Variants in MAP2K5 observed in about 807,000 individuals in gnomAD.
MAP2K5 encodes the protein dual specificity mitogen-activated protein kinase kinase 5.
Under a neutral mutation model 83.1 loss-of-function variants are expected in MAP2K5, and 49 were observed. The observed-to-expected ratio is 0.59, with a 90% CI of 0.47 to 0.75. MAP2K5 has a LOEUF of 0.75. Among genes scored for constraint, MAP2K5 ranks in the 30% least tolerant of loss-of-function variants. The pLI, the probability that MAP2K5 is intolerant of heterozygous loss-of-function variation, is 0.00. For synonymous variants in MAP2K5, 202 were observed against 191.8 expected (o/e 1.05, Z -0.44); for missense variants, 457 against 557.5 (o/e 0.82, Z 1.82).
intron 9 of MAP2K5, 132 bp downstream of exon 9, chr15:67,631,059 TG>T (rs1484801374): frequency 1.5e-5 from 10 of 661,766 alleles, no homozygotes; most frequent in Non-Finnish European, 2.6e-5. Flanking sequence ...GGGGAAGCTG[TG>T]GCTCTCTGGT....
chr15:67,544,799 T>C (rs2084360546), intron 1 of MAP2K5, among the ~76,000 whole-genome samples: 1 of 152,262 alleles, frequency 6.6e-6, no homozygotes, highest in Non-Finnish European at 1.5e-5. Context: ...TTGATTTCTA[T>C]AACTTCATTT....
chr15:67,735,150 C>G (rs1039515856), intron 17 of MAP2K5, among the ~76,000 whole-genome samples: 1 of 152,190 alleles, frequency 6.6e-6, no homozygotes, highest in African/African-American at 2.4e-5. Flanking sequence ...TTCTCCATAT[C>G]TATTGTGTAC....
At chr15:67,624,150 T>C (rs944238420) in intron 8 of MAP2K5, among the ~76,000 whole-genome samples, 4 of 151,218 alleles carry the variant, frequency 2.6e-5, no homozygotes, top group East Asian at 2.0e-4. Context: ...CCATCCTGGC[T>C]AACACAGTGA....
rs1455768202 is a variant in MAP2K5 at position 67,758,174 on chromosome 15, A to G, written c.1134+9573A>G. 6.6e-6 allele frequency among the ~76,000 whole-genome samples: 1 copy of G among 152,180 alleles called. No individual in the cohort carries two copies. The highest frequency in any genetic ancestry group is 1.5e-5 in the Non-Finnish European group (1 of 68,032). On this transcript the variant is annotated intron_variant, in intron 19 of 21. Transcript: ENST00000178640. The surrounding 1 kb of genome is among the most constrained non-coding windows in gnomAD (Gnocchi z 4.7). ...CAGTGCTGTGGAAGATGGATTAGAA[A>G]GGACATTGAAGCTGTAGTTCTGATC...
At chr15:67,788,297 T>G (rs1410282485) in intron 21 of MAP2K5, among the ~76,000 whole-genome samples, 2 of 152,250 alleles carry the variant, frequency 1.3e-5, no homozygotes, top group Non-Finnish European at 2.9e-5. Flanking sequence ...TGATTTGGCC[T>G]CAGCCAGTCA....
chr15:67,731,592 C>T (rs2089223284), intron 17 of MAP2K5, among the ~76,000 whole-genome samples: 1 of 152,158 alleles, frequency 6.6e-6, no homozygotes, highest in Non-Finnish European at 1.5e-5. Flanking sequence ...TCACCTGGCA[C>T]CTTTCCCACA....
chr15:67,771,307 CGGA>C (rs1000379773), intron 20 of MAP2K5, among the ~76,000 whole-genome samples: 4 of 152,156 alleles, frequency 2.6e-5, no homozygotes, highest in South Asian at 2.1e-4. Flanking sequence ...CTCTCTGCTC[CGGA>C]GGAGATGTTG....
At chr15:67,550,323 A>G (rs933270014) in intron 2 of MAP2K5, among the ~76,000 whole-genome samples, 1 of 152,234 alleles carries the variant, frequency 6.6e-6, no homozygotes, top group Non-Finnish European at 1.5e-5. Flanking sequence ...TACCAGCATG[A>G]CCTTTATCTG....
intron 17 of MAP2K5, among the ~76,000 whole-genome samples, chr15:67,739,062 G>T (rs556168212): frequency 6.6e-6 from 1 of 152,088 alleles, no homozygotes; most frequent in African/African-American, 2.4e-5. Flanking sequence ...GGAGACTCAC[G>T]TGAGCCCAGG....
At chr15:67,595,222 T>C (rs530721632) in intron 7 of MAP2K5, among the ~76,000 whole-genome samples, 3 of 152,340 alleles carry the variant, frequency 2.0e-5, no homozygotes, top group African/African-American at 7.2e-5. Flanking sequence ...GGTTATGTGA[T>C]ATAAATATTT....
chr15:67,692,837 C>A (rs886307027), intron 14 of MAP2K5, among the ~76,000 whole-genome samples: 1 of 152,178 alleles, frequency 6.6e-6, no homozygotes, highest in African/African-American at 2.4e-5. Context: ...AGCGTTTTGG[C>A]CAGACAAAAG....
intron 13 of MAP2K5, among the ~76,000 whole-genome samples, chr15:67,683,221 G>C (rs2087866739): frequency 6.6e-6 from 1 of 152,148 alleles, no homozygotes; most frequent in Non-Finnish European, 1.5e-5. Context: ...TACTAGGATT[G>C]TTGATACTTT....
rs985997042 is a variant in MAP2K5 at position 67,559,496 on chromosome 15, A to G, written c.185-3787A>G. Among the ~76,000 whole-genome samples, 1 of 152,164 alleles carries G rather than the reference A, an allele frequency of 6.6e-6. No individual in the cohort carries two copies. Among genetic ancestry groups the G allele is most frequent in the African/African-American group, 2.4e-5 (1 of 41,414 alleles). ...GTTGCCTCAAATAAAATTGCTAACA[A>G]CATATGGCCTGTTATGATTCTCTTT... On this transcript the variant is annotated intron_variant, in intron 2 of 21. Transcript: ENST00000178640. The surrounding 1 kb of genome is among the most constrained non-coding windows in gnomAD (Gnocchi z 4.7).
rs1368431220 is a variant in MAP2K5 at position 67,708,631 on chromosome 15, G to A, written c.1044+5223G>A. On this transcript the variant is annotated intron_variant, in intron 16 of 21. Coordinates refer to ENST00000178640, the MANE Select transcript of MAP2K5 (RefSeq NM_145160.3). This position sits in a 1 kb window ranked among gnomAD's most constrained non-coding sequence, Gnocchi z 4.9. ...GGTGTACCACTGCACCTGGCTGAAC[G>A]CCTTCATTGTTTTAAACCCCTGAAG... Among the ~76,000 whole-genome samples, 2 of 151,946 alleles carry A rather than the reference G, an allele frequency of 1.3e-5. No individual in the cohort carries two copies. Among genetic ancestry groups the A allele is most frequent in the Admixed American group, 6.6e-5 (1 of 15,250 alleles).
At chr15:67,741,276 C>T (rs955004963) in intron 17 of MAP2K5, among the ~76,000 whole-genome samples, 5 of 152,184 alleles carry the variant, frequency 3.3e-5, no homozygotes, top group African/African-American at 4.8e-5. Flanking sequence ...TAACAGAAAA[C>T]TCAACTCAAA....
chr15:67,635,834 C>G (rs2086591682), intron 9 of MAP2K5, among the ~76,000 whole-genome samples: 1 of 152,068 alleles, frequency 6.6e-6, no homozygotes, highest in African/African-American at 2.4e-5. Context: ...CATTTTAAAT[C>G]TTTGTTCCTC....
chr15:67,551,793 T>G (rs1414671106), intron 2 of MAP2K5, among the ~76,000 whole-genome samples: 2 of 152,206 alleles, frequency 1.3e-5, no homozygotes, highest in East Asian at 3.8e-4. Flanking sequence ...TAAATGCCTA[T>G]TATAATGGAT....
intron 16 of MAP2K5, among the ~76,000 whole-genome samples, chr15:67,711,323 T>C (rs866452179): frequency 4.6e-5 from 7 of 152,230 alleles, no homozygotes; most frequent in African/African-American, 1.7e-4. Flanking sequence ...GATCACAGTG[T>C]TGTGCTTGTG....
intron 16 of MAP2K5, among the ~76,000 whole-genome samples, chr15:67,709,498 C>G (rs1380020571): frequency 7.0e-6 from 1 of 143,316 alleles, no homozygotes; most frequent in Non-Finnish European, 1.5e-5. Context: ...AAAAAAACTA[C>G]AGGGCTAAAC....
Sources: gnomAD v4.1 joint callset for allele counts (sites outside exome capture counted in the v4.1 genomes callset) on GRCh38, gnomAD v4.1.1 for gene constraint, Gnocchi (gnomAD v3.1) non-coding constraint, MANE v1.5 for transcripts, NCBI Gene and HGNC (gene_info 2026-07-23, HGNC 2026-07-21) for gene names.